Variants in ANKLE2 observed in about 807,000 individuals in gnomAD.
ANKLE2 encodes ankyrin repeat and LEM domain containing 2.
In ANKLE2, 55 loss-of-function variants were observed where a neutral mutation model predicts 84.2. That is an observed-to-expected ratio of 0.65 (90% CI 0.53 to 0.82). ANKLE2 has a LOEUF of 0.82. ANKLE2 is among the 40% of genes least tolerant of loss of function. The pLI is 0.00. For synonymous variants in ANKLE2, 551 were observed against 486.1 expected (o/e 1.13, Z -1.76); for missense variants, 1,238 against 1,201.9 (o/e 1.03, Z -0.44).
rs1366056696 is a variant in ANKLE2 at position 132,761,826 on chromosome 12, G to A, written c.-28C>T. 11 of 998,650 alleles carry A rather than the reference G, an allele frequency of 1.1e-5. No homozygotes were observed. The highest frequency in any genetic ancestry group is 1.3e-5 in the Non-Finnish European group (11 of 840,744). The allele number at this position is 998,650 out of a possible 1,614,324, so 61.9% of individuals were successfully genotyped here. On this transcript the variant is annotated 5_prime_UTR_variant, in exon 1 of 13. Coordinates refer to ENST00000357997, the MANE Select transcript of ANKLE2 (RefSeq NM_015114.3). ...CCGCCGCCCGGGCCGCAGCCGCCGA[G>A]AAGCCCGCGCCCCGCGCCGCGCCCG...
intron 6 of ANKLE2, chr12:132,742,217 ACAC>A (rs1566023702): frequency 7.0e-5 from 10 of 142,772 alleles, no homozygotes; most frequent in South Asian, 1.8e-4. Context: ...ACACACACAC[ACAC>A]AAAAAGAATC....
At position 132,755,119 on chromosome 12, in the gene ANKLE2, C is replaced by T; in HGVS notation, c.196G>A (p.Asp66Asn). 6.2e-7 allele frequency: 1 copy of T among 1,602,130 alleles called. No homozygotes were observed. The highest frequency in any genetic ancestry group is 8.5e-7 in the Non-Finnish European group (1 of 1,177,626). ...AGTTTCAATCGAGCCAACAGAGCAT[C>T]CATTGTCATTTCACCTAGGCCCAAG... ...AAPASGEMTM[D>N]ALLARLKLLN... Residue 66 changes from aspartate to asparagine, a missense_variant, in exon 2 of 13, where the codon GAT becomes AAT. Transcript: ENST00000357997.
At position 132,730,177 on chromosome 12, in the gene ANKLE2, C is replaced by T; in HGVS notation, c.1985G>A (p.Ser662Asn). ...TCCAAAAGCACCGACTGTGGGCGGG[C>T]TGTTATTTCGAGCTGCATTTTGCCG... Reference protein sequence around the residue: ...KNRQNAARNNSPPTVGAFGHT... With the variant: ...KNRQNAARNNNPPTVGAFGHT... The change falls in exon 11 of 13, where the codon AGC becomes AAC. Residue 662 changes from serine (S) to asparagine (N), a missense_variant. Around this residue, in one of 3 missense-constraint regions of ANKLE2, gnomAD observed 802 missense variants for 774.5 expected, o/e 1.04. Coordinates refer to ENST00000357997, the MANE Select transcript of ANKLE2 (RefSeq NM_015114.3). 3 of 1,607,100 alleles carry T rather than the reference C, an allele frequency of 1.9e-6. No homozygotes were observed. Among genetic ancestry groups the T allele is most frequent in the South Asian group, 2.2e-5 (2 of 90,952 alleles).
chr12:132,748,096 G>GCCGGGA (rs948111366), intron 4 of ANKLE2, 42 bp downstream of exon 4: 58 of 1,607,964 alleles, frequency 3.6e-5, no homozygotes, highest in Non-Finnish European at 3.7e-5. Flanking sequence ...CGATGGAACG[G>GCCGGGA]CCGGGACCGC....
intron 1 of ANKLE2, chr12:132,758,931 C>CA (rs1413237584): frequency 1.7e-4 from 23 of 135,458 alleles, no homozygotes; most frequent in African/African-American, 6.5e-4. Context: ...ACCCACGTGG[C>CA]AGAGTGGATC....
intron 1 of ANKLE2, chr12:132,760,828 C>A (rs1408154741): frequency 6.6e-6 from 1 of 152,250 alleles, no homozygotes; most frequent in African/African-American, 2.4e-5. Context: ...TCACCCCTCT[C>A]TCCTCCCCAG....
Position 132,743,238 on chromosome 12 carries a change from T to C in ANKLE2, c.1269A>G (p.Gly423=). 4 of 1,611,692 alleles carry C rather than the reference T, an allele frequency of 2.5e-6. No homozygotes were observed. Among genetic ancestry groups the C allele is most frequent in the South Asian group, 1.1e-5 (1 of 90,314 alleles). Residue 423 remains glycine (G), a synonymous_variant, in exon 6 of 13, where the codon GGA becomes GGG. Coordinates refer to ENST00000357997, the MANE Select transcript of ANKLE2 (RefSeq NM_015114.3). The surrounding 1 kb of genome is among the most constrained non-coding windows in gnomAD (Gnocchi z 4.1). Reference sequence around the variant, plus strand: ...AAAGCACGTTGACTACATCTGCATTTCCAAACTTACAAGCAAAATGCAACG... The same window carrying C: ...AAAGCACGTTGACTACATCTGCATTCCCAAACTTACAAGCAAAATGCAACG... ...DTPLHFACKF[G]NADVVNVLSS... is the part of the protein sequence containing the mutation.
At position 132,754,782 on chromosome 12, in the gene ANKLE2, A is replaced by AC; in HGVS notation, c.532dup (p.Val178GlyfsTer4). 6.2e-7 allele frequency: 1 copy of AC among 1,614,066 alleles called. No homozygotes were observed. The highest frequency in any genetic ancestry group is 8.5e-7 in the Non-Finnish European group (1 of 1,180,028). ...GTAGGTGTCGGTGTCACTAGGGGGC[A>AC]CCGAGCAGGTCTTGGATGTCACAGC... On this transcript the variant is annotated frameshift_variant, in exon 2 of 13. Transcript: ENST00000357997. LOFTEE classifies it high-confidence loss of function.
At chr12:132,748,435 T>C (rs1307822846) in intron 3 of ANKLE2, 104 bp from the exon 4 acceptor site, 2 of 1,295,356 alleles carry the variant, frequency 1.5e-6, no homozygotes, top group African/African-American at 2.9e-5. Context: ...CAGAGGCTTC[T>C]GGGCCAACTG....
intron 2 of ANKLE2, among the ~76,000 whole-genome samples, chr12:132,752,357 T>C (rs2044375797): frequency 6.6e-6 from 1 of 152,130 alleles, no homozygotes; most frequent in East Asian, 1.9e-4. Flanking sequence ...AGTAAATAAA[T>C]AAATAAATAA....
intron 10 of ANKLE2, chr12:132,732,160 ATCC>A (rs2043867329): frequency 1.6e-5 from 1 of 61,022 alleles, no homozygotes. Context: ...AGCGCTCTGC[ATCC>A]TGGTGTCTGA....
At chr12:132,757,940 T>C (rs2044520327) in intron 1 of ANKLE2, 1 of 141,706 alleles carries the variant, frequency 7.1e-6, no homozygotes, top group South Asian at 2.2e-4. Flanking sequence ...GCCCTGTTTG[T>C]GCCACTGCAC....
At chr12:132,732,499 A>T (rs878871648) in intron 10 of ANKLE2, among the ~76,000 whole-genome samples, 131 of 46,274 alleles carry the variant, frequency 2.8e-3, no homozygotes, top group African/African-American at 0.013. Flanking sequence ...AAGCTCTCTG[A>T]GTGCTGGTGT....
At chr12:132,738,137 T>G (rs1434021547) in intron 7 of ANKLE2, 1 of 148,512 alleles carries the variant, frequency 6.7e-6, no homozygotes, top group African/African-American at 2.6e-5. Context: ...TCAATCCTGC[T>G]TCTCAATCCT....
intron 11 of ANKLE2, among the ~76,000 whole-genome samples, chr12:132,728,480 G>A (rs984963329): frequency 2.0e-5 from 3 of 152,072 alleles, no homozygotes; most frequent in African/African-American, 4.8e-5. Context: ...CACCCACCTC[G>A]GCCTCCCAAA....
intron 5 of ANKLE2, 147 bp downstream of exon 5, chr12:132,747,685 T>TA (rs2044267928): frequency 2.1e-5 from 22 of 1,033,806 alleles, no homozygotes; most frequent in Admixed American, 6.6e-5. Context: ...TGGGATGTGG[T>TA]AAGAAGGCAG....
intron 7 of ANKLE2, among the ~76,000 whole-genome samples, chr12:132,740,849 C>CGTCCCGGAGGCGAGTGGGGAGGGAAT (rs1199269699): frequency 6.6e-6 from 1 of 152,070 alleles, no homozygotes; most frequent in East Asian, 1.9e-4. Flanking sequence ...GGGGAGGGAA[C>CGTCCCGGAGGCGAGTGGGGAGGGAAT]GTCCCGGAGG....
At chr12:132,732,333 CGTGTG>C (rs1566013759) in intron 10 of ANKLE2, 10 of 127,938 alleles carry the variant, frequency 7.8e-5, no homozygotes, top group African/African-American at 3.0e-4. Context: ...TGATACGCAC[CGTGTG>C]AAGCTCTCTG....
chr12:132,759,246 C>T (rs552477547), intron 1 of ANKLE2: 5 of 144,168 alleles, frequency 3.5e-5, no homozygotes, highest in African/African-American at 1.3e-4. Flanking sequence ...CAGAGAGGAT[C>T]GCTGCGGAGT....
Sources: gnomAD v4.1 joint callset for allele counts (sites outside exome capture counted in the v4.1 genomes callset) on GRCh38, gnomAD v4.1.1 for gene constraint, gnomAD v4.1.1 regional missense constraint, Gnocchi (gnomAD v3.1) non-coding constraint, MANE v1.5 for transcripts, NCBI Gene and HGNC (gene_info 2026-07-23, HGNC 2026-07-21) for gene names.